DLG3: variants seen among roughly 807,000 people sequenced by gnomAD.
DLG3 encodes the protein disks large homolog 3.
In DLG3, 1 loss-of-function variant was observed where a neutral mutation model predicts 64.1. The observed-to-expected ratio is 0.02, with a 90% confidence interval of 0.01 to 0.07. DLG3 has a LOEUF of 0.07. Among genes scored for constraint, DLG3 ranks in the 10% least tolerant of loss-of-function variants. DLG3 has a pLI of 1.00. For synonymous variants in DLG3, 245 were observed against 259.8 expected (o/e 0.94, Z 0.55); for missense variants, 429 against 669.5 (o/e 0.64, Z 3.96).
At position 70,445,127 on chromosome X, in the gene DLG3, G is replaced by A. The variant is rs1314062844; in HGVS notation, c.-75G>A. On this transcript the variant is annotated 5_prime_UTR_variant, in exon 1 of 19. Transcript: ENST00000374360. ...TGCCAGGGAGCCCGGCGGCGGCGGCGGCGGTGGTGGCGGCGGTGGCGGCGG... is the reference window on the plus strand; with the variant it reads ...TGCCAGGGAGCCCGGCGGCGGCGGCAGCGGTGGTGGCGGCGGTGGCGGCGG... 83 of 845,488 alleles carry A rather than the reference G, an allele frequency of 9.8e-5. No homozygotes were observed. The highest frequency in any genetic ancestry group is 1.3e-4 in the Non-Finnish European group (82 of 621,283). 69.7% of individuals were successfully genotyped at this position (845,488 alleles called of 1,213,427 possible).
chrX:70,464,750 A>T lies in DLG3; in HGVS notation c.1405+10434A>T, dbSNP rs540023299. On this transcript the variant is annotated intron_variant, in intron 9 of 18. Transcript: ENST00000374360. ...AAGGGTGAATCACTTGAGCCCAGGA[A>T]TTCGAGACCGGCCTGGCCAAAATGG... Among the ~76,000 whole-genome samples, 6 of 111,695 alleles carry T rather than the reference A, an allele frequency of 5.4e-5. No individual in the cohort carries two copies. The South Asian group carries it at 2.3e-3, about 42-fold the overall frequency.
At chrX:70,462,323 C>T (rs1169266394) in intron 9 of DLG3, among the ~76,000 whole-genome samples, 1 of 95,747 alleles carries the variant, frequency 1.0e-5, no homozygotes, top group African/African-American at 3.9e-5. Context: ...GATCTCGGCT[C>T]ACTGCAACTT....
intron 6 of DLG3, 97 bp downstream of exon 6, chrX:70,450,880 G>A (rs2086610161): frequency 9.2e-7 from 1 of 1,083,169 alleles, no homozygotes; most frequent in Non-Finnish European, 1.3e-6. Context: ...AGGGCAAGCA[G>A]CTTTGCTCAG....
At chrX:70,446,840 C>G (rs895535597) in intron 1 of DLG3, among the ~76,000 whole-genome samples, 1 of 112,236 alleles carries the variant, frequency 8.9e-6, no homozygotes, top group Non-Finnish European at 1.9e-5. Flanking sequence ...CAGGTGATGA[C>G]TTCCCCAAGC....
rs1013593022 is a variant in DLG3, at chrX:70,495,360, CT to C, written c.1774-47del. The C allele has an allele frequency of 1.0e-5, 12 of 1,154,434 alleles. No homozygotes were observed. In the Admixed American group the frequency reaches 2.2e-4, roughly 21 times the overall value. ...CCCTCCCATCCCTTCCCCTTCCCCC[CT>C]CTTCTCCCCGTCGTCCTCTCTCCGC... On this transcript the variant is annotated intron_variant, in intron 12 of 18. Coordinates refer to ENST00000374360, the MANE Select transcript of DLG3 (RefSeq NM_021120.4).
intron 10 of DLG3, among the ~76,000 whole-genome samples, chrX:70,480,760 C>A (rs768465752): frequency 1.8e-5 from 2 of 111,993 alleles, no homozygotes; most frequent in African/African-American, 3.2e-5. Flanking sequence ...CTCCAGTGTG[C>A]GTGGGAAGCT....
intron 9 of DLG3, among the ~76,000 whole-genome samples, chrX:70,474,972 T>C (rs753458428): frequency 9.0e-6 from 1 of 111,369 alleles, no homozygotes; most frequent in Admixed American, 9.6e-5. Context: ...AAAATTTTAA[T>C]TTGCATATAA....
intron 13 of DLG3, among the ~76,000 whole-genome samples, chrX:70,496,211 A>G (rs1470863338): frequency 8.9e-6 from 1 of 112,310 alleles, no homozygotes; most frequent in East Asian, 2.8e-4. Context: ...CTCTCCTTCA[A>G]TAAATAATAC....
intron 9 of DLG3, among the ~76,000 whole-genome samples, chrX:70,466,776 A>G (rs193043933): frequency 6.0e-4 from 67 of 111,635 alleles, no homozygotes; most frequent in Non-Finnish European, 1.1e-3. Flanking sequence ...CAGATGTTTC[A>G]TATGTTTTTA....
At chrX:70,472,259 A>G (rs937823689) in intron 9 of DLG3, among the ~76,000 whole-genome samples, 3 of 112,295 alleles carry the variant, frequency 2.7e-5, no homozygotes, top group Admixed American at 9.5e-5. Flanking sequence ...CGCTAAACCA[A>G]AAAATTTTCT....
At chrX:70,452,178 C>A in intron 7 of DLG3, 152 bp downstream of exon 7, 1 of 1,083,851 alleles carries the variant, frequency 9.2e-7, no homozygotes, top group Non-Finnish European at 1.2e-6. Flanking sequence ...GGCCCTCTCT[C>A]AGGCCTTGGG....
chrX:70,494,523 C>A (rs1267543128), intron 12 of DLG3, among the ~76,000 whole-genome samples: 1 of 112,066 alleles, frequency 8.9e-6, no homozygotes, highest in African/African-American at 3.2e-5. Context: ...GTGCCCTCAT[C>A]TAGATGGCAG....
chrX:70,447,945 G>C (rs2086583745), intron 1 of DLG3, among the ~76,000 whole-genome samples: 1 of 111,933 alleles, frequency 8.9e-6, no homozygotes, highest in Admixed American at 9.4e-5. Context: ...CTGCCAATCA[G>C]CCTGTGGGTC....
At chrX:70,472,745 A>C (rs919714089) in intron 9 of DLG3, among the ~76,000 whole-genome samples, 3 of 112,082 alleles carry the variant, frequency 2.7e-5, no homozygotes, top group African/African-American at 9.7e-5. Context: ...GATATAAGAC[A>C]CTTCACTTAT....
intron 1 of DLG3, 116 bp downstream of exon 1, chrX:70,445,674 C>T (rs1284844954): frequency 7.1e-5 from 49 of 686,451 alleles, no homozygotes; most frequent in Non-Finnish European, 1.0e-4. Context: ...GGACCCCGAG[C>T]CCTAGCATTG....
chrX:70,445,617 C>G, intron 1 of DLG3, 59 bp downstream of exon 1: 1 of 1,072,615 alleles, frequency 9.3e-7, no homozygotes, highest in Non-Finnish European at 1.3e-6. Flanking sequence ...AGAGTGGGGG[C>G]CTAGAGGCCT....
In DLG3 at chrX:70,495,911, C is replaced by T. The variant is rs1004473570; in HGVS notation, c.1819+458C>T. ...GGCAAGGGTACTGTGACCCCTTTTT[C>T]CCAACCTGCATCTGAGATGTCCCAG... On this transcript the variant is annotated intron_variant, in intron 13 of 18. Coordinates refer to ENST00000374360, the MANE Select transcript of DLG3 (RefSeq NM_021120.4). 4.5e-5 allele frequency among the ~76,000 whole-genome samples: 5 copies of T among 111,172 alleles called. No homozygotes were observed. The East Asian group carries it at 1.4e-3, about 31-fold the overall frequency.
intron 14 of DLG3, among the ~76,000 whole-genome samples, 177 bp downstream of exon 14, chrX:70,498,747 G>C (rs1475102242): frequency 2.7e-5 from 3 of 111,701 alleles, no homozygotes; most frequent in Non-Finnish European, 5.6e-5. Context: ...CATAGGGAAG[G>C]GGGTGCATCC....
At position 70,503,946 on chromosome X, in the gene DLG3, C is replaced by G. The variant is rs1487184802; in HGVS notation, c.*1677C>G. On this transcript the variant is annotated 3_prime_UTR_variant, in exon 19 of 19. Transcript: ENST00000374360. The stretch of plus-strand genomic sequence containing the variant: ...AGTGCTTGGCCCTAGGATTGAGGCA[C>G]TTGTTTCCTAGCCCGCTGGGTTAGG... 3 of 111,428 alleles carry G rather than the reference C, an allele frequency of 2.7e-5. No individual in the cohort carries two copies. The highest frequency in any genetic ancestry group is 5.7e-5 in the Non-Finnish European group (3 of 53,085). The allele number at this position is 111,428 out of a possible 1,213,427, so 9.2% of individuals were successfully genotyped here.
Sources: gnomAD v4.1 joint callset for allele counts (sites outside exome capture counted in the v4.1 genomes callset) on GRCh38, gnomAD v4.1.1 for gene constraint, MANE v1.5 for transcripts, NCBI Gene and HGNC (gene_info 2026-07-23, HGNC 2026-07-21) for gene names.